Variants in CHRM3 observed in about 807,000 individuals in gnomAD.
CHRM3 encodes muscarinic acetylcholine receptor M3.
A neutral mutation model predicts 41.8 loss-of-function variants in CHRM3; 11 were observed. The observed-to-expected ratio is 0.26, with a 90% CI of 0.17 to 0.44. The LOEUF is 0.44. CHRM3 is among the 20% of genes least tolerant of loss of function. The pLI, the probability that CHRM3 is intolerant of heterozygous loss-of-function variation, is 1.00. For synonymous variants in CHRM3, 297 were observed against 301.4 expected (o/e 0.99, Z 0.15); for missense variants, 571 against 745.4 (o/e 0.77, Z 2.72).
intron 3 of CHRM3, among the ~76,000 whole-genome samples, chr1:239,614,639 C>T (rs1425000987): frequency 1.3e-5 from 2 of 152,168 alleles, no homozygotes; most frequent in African/African-American, 4.8e-5. Context: ...TAGGTTTATG[C>T]TGGGCCCAGG....
intron 5 of CHRM3, among the ~76,000 whole-genome samples, chr1:239,747,580 TC>T (rs1665476853): frequency 6.6e-6 from 1 of 152,146 alleles, no homozygotes; most frequent in Admixed American, 6.5e-5. Flanking sequence ...CCCTATCAAA[TC>T]CCTACCCTTC....
chr1:239,899,926 C>G (rs1679381107), intron 6 of CHRM3: 1 of 152,204 alleles, frequency 6.6e-6, no homozygotes, highest in African/African-American at 2.4e-5. Context: ...CCCTATCTGA[C>G]CATGCCCTGA....
At chr1:239,822,352 ATAACT>A (rs1558153497) in intron 5 of CHRM3, among the ~76,000 whole-genome samples, 1 of 152,220 alleles carries the variant, frequency 6.6e-6, no homozygotes, top group Non-Finnish European at 1.5e-5. Flanking sequence ...GGATGGAGAA[ATAACT>A]TAAAGATAGC....
At chr1:239,689,209 TTAA>T (rs1659470603) in intron 5 of CHRM3, among the ~76,000 whole-genome samples, 1 of 152,088 alleles carries the variant, frequency 6.6e-6, no homozygotes, top group Non-Finnish European at 1.5e-5. Context: ...TGTTTTAATG[TTAA>T]TAATCACTAA....
At chr1:239,686,605 T>C (rs1174133840) in intron 5 of CHRM3, among the ~76,000 whole-genome samples, 1 of 152,232 alleles carries the variant, frequency 6.6e-6, no homozygotes, top group Non-Finnish European at 1.5e-5. Flanking sequence ...TTTCATTTAT[T>C]GCTACTCCTC....
intron 1 of CHRM3, among the ~76,000 whole-genome samples, chr1:239,457,398 G>GA (rs763811220): frequency 1.2e-4 from 18 of 151,658 alleles, no homozygotes; most frequent in East Asian, 5.8e-4. Flanking sequence ...TTACACTCCA[G>GA]AAAAAAAACA....
chr1:239,791,537 A>C (rs765422087), intron 5 of CHRM3, among the ~76,000 whole-genome samples: 12 of 152,178 alleles, frequency 7.9e-5, no homozygotes, highest in Non-Finnish European at 1.8e-4. Flanking sequence ...TAGAAATGTT[A>C]CTACAGGCAT....
chr1:239,591,756 G>A (rs1249700435), intron 3 of CHRM3, among the ~76,000 whole-genome samples: 5 of 152,172 alleles, frequency 3.3e-5, no homozygotes, highest in Admixed American at 6.5e-5. Flanking sequence ...GTCTGAGAAC[G>A]CAGTACAGTA....
At chr1:239,448,679 A>C (rs781445040) in intron 1 of CHRM3, among the ~76,000 whole-genome samples, 18 of 152,176 alleles carry the variant, frequency 1.2e-4, no homozygotes, top group Non-Finnish European at 2.5e-4. Flanking sequence ...TTCTCTCCTC[A>C]TGACTAAAAT....
At position 239,910,202 on chromosome 1, in the gene CHRM3, T is replaced by C. The variant is rs1680281264; in HGVS notation, c.*978T>C. 6.0e-6 allele frequency: 1 copy of C among 166,938 alleles called. No individual in the cohort carries two copies. The highest frequency in any genetic ancestry group is 2.4e-5 in the African/African-American group (1 of 41,408). 10.3% of individuals were successfully genotyped at this position (166,938 alleles called of 1,614,324 possible). A position where few individuals can be genotyped will look rare whatever the true frequency, so the allele number is the denominator to read the frequency against. On this transcript the variant is annotated 3_prime_UTR_variant, in exon 7 of 7. Coordinates refer to ENST00000676153, the MANE Select transcript of CHRM3 (RefSeq NM_001375978.1). ...CAAAGAATGAACCACATCCACACGT[T>C]TGAATTTAATCATCTAAATCTGAAT...
intron 5 of CHRM3, among the ~76,000 whole-genome samples, chr1:239,694,180 G>A (rs992642281): frequency 6.6e-6 from 1 of 152,100 alleles, no homozygotes; most frequent in Non-Finnish European, 1.5e-5. Flanking sequence ...AAAAATAATT[G>A]AGCTCTTCCA....
At chr1:239,600,124 C>G (rs1665329236) in intron 3 of CHRM3, among the ~76,000 whole-genome samples, 1 of 152,174 alleles carries the variant, frequency 6.6e-6, no homozygotes, top group Non-Finnish European at 1.5e-5. Flanking sequence ...ACATCCAGTT[C>G]ACATCTGAGT....
At chr1:239,861,599 G>A (rs1675645538) in intron 6 of CHRM3, among the ~76,000 whole-genome samples, 2 of 152,256 alleles carry the variant, frequency 1.3e-5, no homozygotes, top group African/African-American at 2.4e-5. Context: ...AATTGTCCAT[G>A]GGACCAAGTT....
intron 5 of CHRM3, chr1:239,718,821 G>C (rs1398087250): frequency 1.3e-5 from 2 of 151,996 alleles, no homozygotes; most frequent in African/African-American, 4.8e-5. Context: ...TAAGTTTGAA[G>C]GGGAGTCATA....
chr1:239,538,170 A>C (rs1261196341), intron 2 of CHRM3, among the ~76,000 whole-genome samples: 1 of 152,256 alleles, frequency 6.6e-6, no homozygotes, highest in Non-Finnish European at 1.5e-5. Flanking sequence ...ATGAGATTGC[A>C]GCTTAGCCTT....
intron 5 of CHRM3, among the ~76,000 whole-genome samples, chr1:239,763,188 CA>C (rs1666939798): frequency 6.6e-6 from 1 of 151,958 alleles, no homozygotes; most frequent in Admixed American, 6.6e-5. Context: ...ACATTCAAAC[CA>C]AAAAGAACAA....
intron 3 of CHRM3, among the ~76,000 whole-genome samples, chr1:239,568,439 CT>C (rs1385839465): frequency 6.6e-6 from 1 of 152,116 alleles, no homozygotes; most frequent in Non-Finnish European, 1.5e-5. Flanking sequence ...TGCCTTTCAC[CT>C]TCCACCATGA....
intron 6 of CHRM3, among the ~76,000 whole-genome samples, chr1:239,870,986 G>A (rs994447257): frequency 2.0e-5 from 3 of 152,030 alleles, no homozygotes; most frequent in East Asian, 1.9e-4. Context: ...CCAGACTGGC[G>A]GGGACGTGCT....
At chr1:239,445,307 C>A (rs1298671878) in intron 1 of CHRM3, among the ~76,000 whole-genome samples, 3 of 152,072 alleles carry the variant, frequency 2.0e-5, no homozygotes, top group Non-Finnish European at 4.4e-5. Context: ...CTTCTTAGCA[C>A]CCTCATGATT....
Sources: allele counts gnomAD v4.1 joint callset (sites outside exome capture counted in the v4.1 genomes callset), GRCh38; gene constraint gnomAD v4.1.1; transcripts MANE v1.5; gene names NCBI Gene and HGNC (gene_info 2026-07-23, HGNC 2026-07-21).